Variants in BCAT1 observed in about 807,000 individuals in gnomAD.
The protein encoded by BCAT1 is branched chain amino acid transaminase 1, also known as branched-chain-amino-acid aminotransferase, cytosolic.
Under a neutral mutation model 52.4 loss-of-function variants are expected in BCAT1, and 48 were observed. The observed-to-expected ratio is 0.92, with a 90% CI of 0.73 to 1.16. The LOEUF (loss-of-function observed/expected upper bound fraction) is 1.16, where lower values mean the gene tolerates loss of function less well. Among genes scored for constraint, BCAT1 ranks in the 50% most tolerant of loss-of-function variants. The pLI is 0.00. For missense variants in BCAT1, 451 were observed against 457.1 expected, an observed-to-expected ratio of 0.99 and a Z score of 0.12; for synonymous variants, 167 against 161.3, an observed-to-expected ratio of 1.04 and a Z score of -0.27.
At chr12:24,832,614 AC>A in intron 9 of BCAT1, 108 bp downstream of exon 9, 1 of 1,298,534 alleles carries the variant, frequency 7.7e-7, no homozygotes, top group Middle Eastern at 1.9e-4. Flanking sequence ...CAACGACAAA[AC>A]TTTTGCATCT....
chr12:24,828,685 C>T (rs1365541878), intron 10 of BCAT1, among the ~76,000 whole-genome samples: 1 of 152,106 alleles, frequency 6.6e-6, no homozygotes, highest in Non-Finnish European at 1.5e-5. Flanking sequence ...CAATATGATC[C>T]CATTTTGTTA....
rs1565454799 is a variant in BCAT1, at chr12:24,836,959, G to GAA, written c.818-364_818-363insTT. 4.9e-3 allele frequency among the ~76,000 whole-genome samples: 253 copies of GAA among 51,670 alleles called. 11 individuals are homozygous for GAA. The highest frequency in any genetic ancestry group is 0.014 in the Middle Eastern group (1 of 72). 33.9% of individuals were successfully genotyped at this position (51,670 alleles called of 152,430 possible). The stretch of plus-strand genomic sequence containing the variant: ...GAAAGAAAGAAAGAAAGAAAGAAAA[G>GAA]AGAAAGAAAGAAAGAGAGAGAGGGA... On this transcript the variant is annotated intron_variant, in intron 7 of 10. Coordinates refer to ENST00000261192, the MANE Select transcript of BCAT1 (RefSeq NM_005504.7).
intron 1 of BCAT1, among the ~76,000 whole-genome samples, chr12:24,908,596 T>G (rs968869797): frequency 1.3e-5 from 2 of 152,016 alleles, no homozygotes; most frequent in South Asian, 4.1e-4. Context: ...AACAAATTAG[T>G]TGGGCGTGGT....
At position 24,946,887 on chromosome 12, in the gene BCAT1, G is replaced by T. The variant is rs190619023; in HGVS notation, c.6+2040C>A. 4.6e-5 allele frequency among the ~76,000 whole-genome samples: 7 copies of T among 152,226 alleles called. No individual in the cohort carries two copies. In the East Asian group the frequency reaches 7.7e-4, roughly 17 times the overall value. The stretch of plus-strand genomic sequence containing the variant: ...GGTTCTAATGAGCTGAAAAGCAAGA[G>T]AAATTCTTGCGTAAAAAAGGAAAAA... On this transcript the variant is annotated intron_variant, in intron 1 of 10. Transcript: ENST00000261192.
intron 5 of BCAT1, among the ~76,000 whole-genome samples, chr12:24,875,327 C>T (rs1288791598): frequency 6.6e-6 from 1 of 152,284 alleles, no homozygotes; most frequent in Non-Finnish European, 1.5e-5. Context: ...CTTTCTGAAT[C>T]ACAAGTGATG....
intron 3 of BCAT1, among the ~76,000 whole-genome samples, chr12:24,891,860 T>A (rs1209738742): frequency 2.0e-5 from 3 of 151,736 alleles, no homozygotes; most frequent in African/African-American, 7.3e-5. Context: ...GTCATTTTCC[T>A]GCCTCAGCCT....
Position 24,849,814 on chromosome 12 carries a change from C to G in BCAT1, c.646G>C (p.Gly216Arg). The change falls in exon 6 of 11, where the codon GGT becomes CGT. Residue 216 changes from glycine to arginine, a missense_variant. By Grantham distance (125) the Gly-to-Arg change is moderately radical (BLOSUM62 -2). Transcript: ENST00000261192. Reference sequence around the variant, plus strand: ...CCCATCTTGCAGTCCCCAGTTCCACCTTTCCAGGCTCTTACATACTTGGGA... The same window carrying G: ...CCCATCTTGCAGTCCCCAGTTCCACGTTTCCAGGCTCTTACATACTTGGGA... ...ANPKYVRAWK[G>R]GTGDCKMGGN... 1 of 1,612,352 alleles carries G rather than the reference C, an allele frequency of 6.2e-7. No individual in the cohort carries two copies. Among genetic ancestry groups the G allele is most frequent in the South Asian group, 1.1e-5 (1 of 90,794 alleles).
At chr12:24,878,763 A>T (rs1447898682) in intron 4 of BCAT1, 114 bp from the exon 5 acceptor site, 3 of 1,040,834 alleles carry the variant, frequency 2.9e-6, no homozygotes, top group Non-Finnish European at 4.0e-6. Flanking sequence ...CAACACAAAA[A>T]AATAAGAAAT....
intron 5 of BCAT1, among the ~76,000 whole-genome samples, chr12:24,858,351 G>A (rs1941753333): frequency 6.6e-6 from 1 of 151,976 alleles, no homozygotes; most frequent in Admixed American, 6.6e-5. Flanking sequence ...TTAATTCATG[G>A]GACTTTAATA....
In BCAT1 at chr12:24,815,639, A is replaced by G. The variant is rs1363073209; in HGVS notation, c.*2369T>C. The G allele has an allele frequency of 2.0e-5, 3 of 152,224 alleles. No homozygotes were observed. Among genetic ancestry groups the G allele is most frequent in the Non-Finnish European group, 2.9e-5 (2 of 68,038 alleles). The allele number at this position is 152,224 out of a possible 1,614,324, so 9.4% of individuals were successfully genotyped here. A position where few individuals can be genotyped will look rare whatever the true frequency, so the allele number is the denominator to read the frequency against. On this transcript the variant is annotated 3_prime_UTR_variant, in exon 11 of 11. Transcript: ENST00000261192. ...GTCAAGGTCAATTTCCTGTCTTATT[A>G]CTTAAATGACAATGGTGGATTGTGT...
chr12:24,810,666 C>T lies in BCAT1; in HGVS notation c.*7342G>A, dbSNP rs911240734. 3 of 152,162 alleles carry T rather than the reference C, an allele frequency of 2.0e-5. 1 individual carries two copies. The highest frequency in any genetic ancestry group is 1.3e-4 in the Admixed American group (2 of 15,262). 9.4% of individuals were successfully genotyped at this position (152,162 alleles called of 1,614,324 possible). ...ACTTCTTGAGAGATCTGAATAAAGG[C>T]CAATATTTTCACAGGTTGACAGGGT... is the stretch of plus-strand genomic sequence containing the variant. On this transcript the variant is annotated 3_prime_UTR_variant, in exon 11 of 11. Coordinates refer to ENST00000261192, the MANE Select transcript of BCAT1 (RefSeq NM_005504.7).
rs1440202803 is a variant in BCAT1, at chr12:24,815,779, A to G, written c.*2229T>C. ...TTTATGAAAGAAATGATACAAACATAATGTTCTCTAACTTTCACAATGGAC... is the reference window on the plus strand; with the variant it reads ...TTTATGAAAGAAATGATACAAACATGATGTTCTCTAACTTTCACAATGGAC... On this transcript the variant is annotated 3_prime_UTR_variant, in exon 11 of 11. Coordinates refer to ENST00000261192, the MANE Select transcript of BCAT1 (RefSeq NM_005504.7). The G allele has an allele frequency of 6.6e-6, 1 of 152,242 alleles. No homozygotes were observed. Among genetic ancestry groups the G allele is most frequent in the Non-Finnish European group, 1.5e-5 (1 of 68,040 alleles). The allele number at this position is 152,242 out of a possible 1,614,324, so 9.4% of individuals were successfully genotyped here.
intron 4 of BCAT1, among the ~76,000 whole-genome samples, chr12:24,880,425 A>G (rs1019557307): frequency 7.2e-5 from 11 of 152,190 alleles, no homozygotes; most frequent in African/African-American, 2.4e-4. Flanking sequence ...CCACTGCACT[A>G]TAGCTTGGGT....
At chr12:24,870,155 C>A (rs1319766235) in intron 5 of BCAT1, among the ~76,000 whole-genome samples, 1 of 151,952 alleles carries the variant, frequency 6.6e-6, no homozygotes, top group Non-Finnish European at 1.5e-5. Context: ...ACCTTTGGTT[C>A]TACTTGAATT....
At chr12:24,934,032 C>T (rs2201712) in intron 1 of BCAT1, among the ~76,000 whole-genome samples, 58,923 of 151,956 alleles carry the variant, frequency 0.39, 12,068 homozygotes, top group Middle Eastern at 0.64. Flanking sequence ...AAAATGGAGC[C>T]GCCATCTTAA....
intron 1 of BCAT1, among the ~76,000 whole-genome samples, chr12:24,913,742 G>A (rs979852722): frequency 2.4e-4 from 37 of 152,222 alleles, no homozygotes; most frequent in Non-Finnish European, 5.9e-5. Context: ...AGCACAGCCT[G>A]TCTGTCTGGA....
intron 5 of BCAT1, among the ~76,000 whole-genome samples, chr12:24,871,073 T>G (rs1235255721): frequency 6.6e-6 from 1 of 152,040 alleles, no homozygotes; most frequent in Non-Finnish European, 1.5e-5. Context: ...TGGAAAGCAC[T>G]GAGTACAGTG....
intron 5 of BCAT1, 53 bp downstream of exon 5, chr12:24,878,477 A>T (rs1416147524): frequency 1.3e-6 from 2 of 1,525,386 alleles, no homozygotes; most frequent in African/African-American, 2.8e-5. Flanking sequence ...AACAACAATA[A>T]ACAATAATAA....
chr12:24,870,767 C>T (rs574174945), intron 5 of BCAT1, among the ~76,000 whole-genome samples: 101 of 152,280 alleles, frequency 6.6e-4, no homozygotes, highest in South Asian at 3.3e-3. Context: ...GTGGCTCTTG[C>T]CTGCAATTCC....
Sources: gnomAD v4.1 joint callset for allele counts (sites outside exome capture counted in the v4.1 genomes callset) on GRCh38, gnomAD v4.1.1 for gene constraint, MANE v1.5 for transcripts, NCBI Gene and HGNC (gene_info 2026-07-23, HGNC 2026-07-21) for gene names.